ENTREP2: variants seen among roughly 807,000 people sequenced by gnomAD.
The protein encoded by ENTREP2 is protein ENTREP2.
At chr15:29,549,826 G>A in the ENTREP2 span, among the ~76,000 whole-genome samples, 1 of 152,124 alleles carries the variant, frequency 6.6e-6, no homozygotes, top group Admixed American at 6.5e-5. Context: ...TCCCATTCAG[G>A]CTCCTGGAAC....
chr15:29,428,297 G>A, the ENTREP2 span, among the ~76,000 whole-genome samples: 2 of 152,058 alleles, frequency 1.3e-5, no homozygotes, highest in African/African-American at 2.4e-5. Context: ...CACTGCAACC[G>A]CTGCCCCATG....
chr15:29,198,981 T>C, the ENTREP2 span, among the ~76,000 whole-genome samples: 1 of 152,276 alleles, frequency 6.6e-6, no homozygotes. Flanking sequence ...CTGCCATTTA[T>C]ATATCTATTC....
At chr15:29,426,237 A>G in the ENTREP2 span, among the ~76,000 whole-genome samples, 1 of 152,196 alleles carries the variant, frequency 6.6e-6, no homozygotes, top group East Asian at 1.9e-4. Flanking sequence ...ACATGAGCTT[A>G]GAAATCTTGC....
chr15:29,239,364 C>T, the ENTREP2 span, among the ~76,000 whole-genome samples: 1 of 152,286 alleles, frequency 6.6e-6, no homozygotes, highest in Non-Finnish European at 1.5e-5. Flanking sequence ...ATACTTGAGG[C>T]ACACACCAGG....
chr15:29,372,198 C>G, the ENTREP2 span, among the ~76,000 whole-genome samples: 1 of 152,152 alleles, frequency 6.6e-6, no homozygotes, highest in Non-Finnish European at 1.5e-5. Flanking sequence ...ACCCCTGAGA[C>G]AGCAAGACCA....
At chr15:29,480,428 G>C in the ENTREP2 span, among the ~76,000 whole-genome samples, 1 of 150,252 alleles carries the variant, frequency 6.7e-6, no homozygotes. Context: ...CTTCCCTCTG[G>C]CACAGAGGGC....
the ENTREP2 span, among the ~76,000 whole-genome samples, chr15:29,447,996 G>T: frequency 6.6e-6 from 1 of 152,072 alleles, no homozygotes; most frequent in African/African-American, 2.4e-5. Flanking sequence ...AACCCGGGAC[G>T]TGGAGGCTGC....
the ENTREP2 span, among the ~76,000 whole-genome samples, chr15:29,209,753 C>T: frequency 6.6e-6 from 1 of 152,090 alleles, no homozygotes; most frequent in African/African-American, 2.4e-5. Context: ...TGAGCATCTC[C>T]CTCTGCTCTC....
chr15:29,241,236 A>G, the ENTREP2 span, among the ~76,000 whole-genome samples: 1 of 152,336 alleles, frequency 6.6e-6, no homozygotes, highest in Non-Finnish European at 1.5e-5. Flanking sequence ...ACCGCTTCTC[A>G]GCAGGGGTAA....
the ENTREP2 span, among the ~76,000 whole-genome samples, chr15:29,550,808 G>A: frequency 2.6e-5 from 4 of 151,986 alleles, no homozygotes; most frequent in South Asian, 8.3e-4. Context: ...ATTCACTCAC[G>A]CAGCAAACAT....
At chr15:29,177,033 A>G in the ENTREP2 span, among the ~76,000 whole-genome samples, 68,198 of 152,030 alleles carry the variant, frequency 0.45, 16,670 homozygotes, top group African/African-American at 0.64. Context: ...AGGACTTTCA[A>G]GAGGTAGAGC....
chr15:29,333,131 G>C, the ENTREP2 span, among the ~76,000 whole-genome samples: 1 of 152,128 alleles, frequency 6.6e-6, no homozygotes, highest in Non-Finnish European at 1.5e-5. Context: ...AGCCTGAGGA[G>C]ACCCACTGGA....
chr15:29,520,394 G>A, the ENTREP2 span, among the ~76,000 whole-genome samples: 1 of 152,142 alleles, frequency 6.6e-6, no homozygotes, highest in South Asian at 2.1e-4. Context: ...CAAACTGACT[G>A]TCAGAGACCC....
the ENTREP2 span, among the ~76,000 whole-genome samples, chr15:29,417,541 CT>C: frequency 1.3e-5 from 2 of 152,030 alleles, no homozygotes; most frequent in African/African-American, 4.8e-5. Flanking sequence ...ATATCTAATG[CT>C]GAATGACGAG....
chr15:29,521,308 C>A, the ENTREP2 span, among the ~76,000 whole-genome samples: 360 of 152,260 alleles, frequency 2.4e-3, 2 homozygotes, highest in African/African-American at 8.3e-3. Flanking sequence ...AAAATTCGCA[C>A]AGAAATTCAA....
chr15:29,184,480 G>T, the ENTREP2 span, among the ~76,000 whole-genome samples: 1 of 152,178 alleles, frequency 6.6e-6, no homozygotes, highest in African/African-American at 2.4e-5. Context: ...AGTGGAGGAA[G>T]CAATGGATCT....
chr15:29,299,914 T>C, the ENTREP2 span, among the ~76,000 whole-genome samples: 1 of 134,912 alleles, frequency 7.4e-6, no homozygotes. Context: ...GGTGGATGGG[T>C]AGGTGAATGG....
chr15:29,350,935 G>A, the ENTREP2 span, among the ~76,000 whole-genome samples: 18 of 152,130 alleles, frequency 1.2e-4, no homozygotes, highest in East Asian at 3.9e-4. Context: ...GTGAGACTCC[G>A]TCTAAAATAA....
chr15:29,466,182 G>C, the ENTREP2 span, among the ~76,000 whole-genome samples: 42 of 152,264 alleles, frequency 2.8e-4, no homozygotes, highest in African/African-American at 1.0e-3. Flanking sequence ...GAGCAGCTCC[G>C]AGCAACAGTG....
Sources: allele counts gnomAD v4.1 joint callset (sites outside exome capture counted in the v4.1 genomes callset), GRCh38; gene constraint gnomAD v4.1.1; transcripts MANE v1.5; gene names NCBI Gene and HGNC (gene_info 2026-07-23, HGNC 2026-07-21).